Variants in CUL4A observed in about 807,000 individuals in gnomAD.
The protein encoded by CUL4A is cullin 4A.
Under a neutral mutation model 95.5 loss-of-function variants are expected in CUL4A, and 16 were observed. The observed-to-expected ratio is 0.17, with a 90% CI of 0.11 to 0.25. CUL4A has a LOEUF of 0.25. Among genes scored for constraint, CUL4A ranks in the 10% least tolerant of loss-of-function variants. CUL4A has a pLI of 1.00. For missense variants in CUL4A, 610 were observed against 937.0 expected (o/e 0.65, Z 4.56); for synonymous variants, 380 against 353.1 (o/e 1.08, Z -0.85).
In CUL4A at chr13:113,235,131, G is replaced by A; in HGVS notation, c.834G>A (p.Leu278=). The A allele has an allele frequency of 6.2e-7, 1 of 1,611,934 alleles. No homozygotes were observed. The highest frequency in any genetic ancestry group is 8.5e-7 in the Non-Finnish European group (1 of 1,178,078). ...EEEGDRVITY[L]DHSTQKPLIA... The stretch of plus-strand genomic sequence containing the variant: ...AGGGAGACAGAGTAATCACTTACTT[G>A]GACCACAGCACACAGTAAGTACCGT... The change falls in exon 8 of 20, where the codon TTG becomes TTA. Residue 278 remains leucine, a synonymous_variant. Coordinates refer to ENST00000375440, the MANE Select transcript of CUL4A (RefSeq NM_001008895.4).
At chr13:113,216,570 A>G (rs558079544) in intron 2 of CUL4A, among the ~76,000 whole-genome samples, 2 of 152,222 alleles carry the variant, frequency 1.3e-5, no homozygotes, top group African/African-American at 2.4e-5. Context: ...ATTGGATTAC[A>G]TTCCTTTTCT....
At chr13:113,232,536 A>C (rs967834835) in intron 5 of CUL4A, among the ~76,000 whole-genome samples, 10 of 152,238 alleles carry the variant, frequency 6.6e-5, no homozygotes, top group African/African-American at 2.4e-4. Context: ...CACTGGGGAC[A>C]GTAGGAGTGT....
intron 12 of CUL4A, 143 bp from the exon 13 acceptor site, chr13:113,244,806 C>T: frequency 1.6e-6 from 1 of 639,740 alleles, no homozygotes; most frequent in Non-Finnish European, 2.7e-6. Context: ...CGCCACTGCA[C>T]TCCAGCCTGG....
At chr13:113,261,417 C>A (rs146886034) in intron 19 of CUL4A, among the ~76,000 whole-genome samples, 219 of 152,278 alleles carry the variant, frequency 1.4e-3, no homozygotes, top group African/African-American at 5.0e-3. Flanking sequence ...GCCTCCCATT[C>A]CATCAAGGGA....
At chr13:113,215,478 A>G (rs983774051) in intron 2 of CUL4A, among the ~76,000 whole-genome samples, 3 of 131,180 alleles carry the variant, frequency 2.3e-5, no homozygotes, top group South Asian at 5.1e-4. Context: ...GGAGGTCGCT[A>G]TGTGACTATG....
chr13:113,246,098 T>C, intron 15 of CUL4A, 35 bp downstream of exon 15: 1 of 1,489,990 alleles, frequency 6.7e-7, no homozygotes, highest in Non-Finnish European at 9.3e-7. Flanking sequence ...CCGCTCCCGC[T>C]GTCATGCCCT....
In CUL4A at chr13:113,265,707, A is replaced by G. The variant is rs1395985243; in HGVS notation, c.*2125A>G. On this transcript the variant is annotated 3_prime_UTR_variant, in exon 20 of 20. Coordinates refer to ENST00000375440, the MANE Select transcript of CUL4A (RefSeq NM_001008895.4). Reference sequence around the variant, plus strand: ...CGGCCTGCCTGTTTCTGTTTTATAAAAGAAAGGAAAATCTATTTATATCTA... The same window carrying G: ...CGGCCTGCCTGTTTCTGTTTTATAAGAGAAAGGAAAATCTATTTATATCTA... 6.6e-6 allele frequency: 1 copy of G among 152,228 alleles called. No individual in the cohort carries two copies. Among genetic ancestry groups the G allele is most frequent in the African/African-American group, 2.4e-5 (1 of 41,456 alleles). 9.4% of individuals were successfully genotyped at this position (152,228 alleles called of 1,614,324 possible). A position where few individuals can be genotyped will look rare whatever the true frequency, so the allele number is the denominator to read the frequency against.
chr13:113,243,387 T>A (rs902484727), intron 11 of CUL4A, among the ~76,000 whole-genome samples: 4 of 152,026 alleles, frequency 2.6e-5, no homozygotes, highest in African/African-American at 9.7e-5. Context: ...GAAGATGAGG[T>A]AAGAATTTAG....
chr13:113,244,484 A>G lies in CUL4A; in HGVS notation c.1303A>G (p.Lys435Glu). 1 of 1,613,442 alleles carries G rather than the reference A, an allele frequency of 6.2e-7. No homozygotes were observed. The highest frequency in any genetic ancestry group is 1.1e-5 in the South Asian group (1 of 90,788). ...TDEELERTLD[K>E]IMILFRFIHG... ...CGAGGAGCTGGAGCGGACGTTGGACAAGATCATGATCCTGTTCAGGTTTAT... is the reference window on the plus strand; with the variant it reads ...CGAGGAGCTGGAGCGGACGTTGGACGAGATCATGATCCTGTTCAGGTTTAT... Residue 435 changes from lysine (K) to glutamate (E), a missense_variant, in exon 12 of 20, where the codon AAG (lysine) becomes GAG (glutamate). Around this residue, in one of 10 missense-constraint regions of CUL4A, gnomAD observed 153 missense variants for 244.5 expected, o/e 0.63. Coordinates refer to ENST00000375440, the MANE Select transcript of CUL4A (RefSeq NM_001008895.4).
intron 3 of CUL4A, among the ~76,000 whole-genome samples, chr13:113,225,992 TAGCC>T (rs1259222467): frequency 6.6e-6 from 1 of 152,212 alleles, no homozygotes; most frequent in Non-Finnish European, 1.5e-5. Flanking sequence ...TAAGCTGTCT[TAGCC>T]AGGCCCCTGT....
chr13:113,247,600 C>A (rs1235652445), intron 15 of CUL4A, among the ~76,000 whole-genome samples: 1 of 152,172 alleles, frequency 6.6e-6, no homozygotes, highest in African/African-American at 2.4e-5. Context: ...GAAGAGTTCT[C>A]ATTCCAGGAG....
In CUL4A at chr13:113,219,038, C is replaced by G. The variant is rs200624064; in HGVS notation, c.358C>G (p.Pro120Ala). 2.5e-4 allele frequency: 404 copies of G among 1,603,064 alleles called. 5 individuals are homozygous for G. The South Asian group carries it at 4.3e-3, about 17-fold the overall frequency. ...CEDHVQAQIL[P>A]FREDSLDSVL... is the part of the protein sequence containing the mutation. Reference sequence around the variant, plus strand: ...AGACCACGTCCAGGCACAGATCCTTCCGTTTAGAGAATATCCTTTTTTTGG... The same window carrying G: ...AGACCACGTCCAGGCACAGATCCTTGCGTTTAGAGAATATCCTTTTTTTGG... The change falls in exon 3 of 20, where the codon CCG (proline) becomes GCG (alanine). Residue 120 changes from proline to alanine, a missense_variant. Transcript: ENST00000375440.
At chr13:113,257,817 C>A (rs1300438883) in intron 18 of CUL4A, among the ~76,000 whole-genome samples, 1 of 152,174 alleles carries the variant, frequency 6.6e-6, no homozygotes, top group Non-Finnish European at 1.5e-5. Flanking sequence ...TTAAATCTTT[C>A]TTTTCATGTT....
chr13:113,213,171 TGAGCCCAGGAGTTC>T (rs2040516062), intron 2 of CUL4A, among the ~76,000 whole-genome samples: 1 of 152,138 alleles, frequency 6.6e-6, no homozygotes, highest in Non-Finnish European at 1.5e-5. Flanking sequence ...CCTGATCGCT[TGAGCCCAGGAGTTC>T]GAGACCAGCC....
intron 10 of CUL4A, among the ~76,000 whole-genome samples, chr13:113,242,495 A>G (rs544765679): frequency 4.5e-4 from 68 of 152,320 alleles, no homozygotes; most frequent in Admixed American, 2.2e-3. Flanking sequence ...TTGTGTATTT[A>G]ATTGTATATT....
chr13:113,229,536 C>A lies in CUL4A; in HGVS notation c.512+17C>A. 1 of 1,603,194 alleles carries A rather than the reference C, an allele frequency of 6.2e-7. No homozygotes were observed. ...CTCCATCTGGTGAGTGTCCTCACAG[C>A]GCAGAGCTGCGTCTTCCCTGCAGCT... is the stretch of plus-strand genomic sequence containing the variant. On this transcript the variant is annotated intron_variant, in intron 5 of 19. Transcript: ENST00000375440.
chr13:113,233,006 G>A (rs549317272), intron 5 of CUL4A, 171 bp from the exon 6 acceptor site: 103 of 670,486 alleles, frequency 1.5e-4, no homozygotes, highest in Non-Finnish European at 2.0e-4. Context: ...TACAAGGCGC[G>A]CTAGACTGGC....
At chr13:113,224,388 A>C (rs561995377) in intron 3 of CUL4A, among the ~76,000 whole-genome samples, 96 of 152,302 alleles carry the variant, frequency 6.3e-4, no homozygotes, top group African/African-American at 2.1e-3. Flanking sequence ...TGTCCTCAGA[A>C]TCTAACCTGT....
intron 15 of CUL4A, among the ~76,000 whole-genome samples, chr13:113,249,852 G>T (rs1053231161): frequency 6.6e-6 from 1 of 152,204 alleles, no homozygotes; most frequent in Admixed American, 6.5e-5. Context: ...TGTTGATGTT[G>T]AGCATCTTTT....
Sources: gnomAD v4.1 joint callset for allele counts (sites outside exome capture counted in the v4.1 genomes callset) on GRCh38, gnomAD v4.1.1 for gene constraint, gnomAD v4.1.1 regional missense constraint, MANE v1.5 for transcripts, NCBI Gene and HGNC (gene_info 2026-07-23, HGNC 2026-07-21) for gene names.